Variants in RIPPLY3 observed in about 807,000 individuals in gnomAD.
RIPPLY3 encodes the protein protein ripply3.
A neutral mutation model predicts 11.9 loss-of-function variants in RIPPLY3; 8 were observed. That is an observed-to-expected ratio of 0.67 (90% CI 0.40 to 1.21). The LOEUF (loss-of-function observed/expected upper bound fraction) is 1.21. RIPPLY3 is among the 50% of genes most tolerant of loss of function. The probability of loss-of-function intolerance (pLI) is 0.01; values close to 1 mark genes in which losing one functional copy is unlikely to be tolerated. For missense variants in RIPPLY3, 271 were observed against 246.0 expected (o/e 1.10, Z -0.68); for synonymous variants, 102 against 99.0 (o/e 1.03, Z -0.18).
chr21:37,016,237 G>T (rs754763288), intron 3 of RIPPLY3, among the ~76,000 whole-genome samples: 1 of 152,012 alleles, frequency 6.6e-6, no homozygotes, highest in Non-Finnish European at 1.5e-5. Flanking sequence ...GCCTCGTAGG[G>T]TGTTTACCAG....
At chr21:37,008,756 C>CCAA (rs2069491806) in intron 2 of RIPPLY3, among the ~76,000 whole-genome samples, 1 of 81,646 alleles carries the variant, frequency 1.2e-5, no homozygotes, top group Non-Finnish European at 2.4e-5. Flanking sequence ...AGACTCATCT[C>CCAA]AAAAAAAAAA....
chr21:37,018,508 ACT>A lies in RIPPLY3; in HGVS notation c.*303_*304del. On this transcript the variant is annotated 3_prime_UTR_variant, in exon 4 of 4. Coordinates refer to ENST00000329553, the MANE Select transcript of RIPPLY3 (RefSeq NM_018962.3). Reference sequence around the variant, plus strand: ...TTTTCAAAGCTCCTTCTGCATTGTCACTCACTGATCAGGTGATGAATTCTTCC... The same window carrying A: ...TTTTCAAAGCTCCTTCTGCATTGTCACACTGATCAGGTGATGAATTCTTCC... 2.7e-6 allele frequency: 1 copy of A among 372,886 alleles called. No individual in the cohort carries two copies. The highest frequency in any genetic ancestry group is 4.3e-5 in the Admixed American group (1 of 23,504). The allele number at this position is 372,886 out of a possible 1,614,324, so 23.1% of individuals were successfully genotyped here.
chr21:37,007,679 G>T (rs950051079), intron 1 of RIPPLY3, among the ~76,000 whole-genome samples: 1 of 152,074 alleles, frequency 6.6e-6, no homozygotes, highest in African/African-American at 2.4e-5. Context: ...AAAGTGCTGG[G>T]ATTACAGGTG....
At position 37,018,113 on chromosome 21, in the gene RIPPLY3, G is replaced by C; in HGVS notation, c.479G>C (p.Gly160Ala). 6.2e-7 allele frequency: 1 copy of C among 1,614,068 alleles called. No homozygotes were observed. The highest frequency in any genetic ancestry group is 8.5e-7 in the Non-Finnish European group (1 of 1,180,002). Residue 160 changes from glycine to alanine, a missense_variant, in exon 4 of 4, where the codon GGG becomes GCG. By Grantham distance (60) the Gly-to-Ala change is moderately conservative (BLOSUM62 0). Transcript: ENST00000329553. ...GKGRDQGINQ[G>A]QRSSGGGDHW... ...GGCAGAGACCAGGGCATCAACCAAG[G>C]GCAGCGATCCTCAGGAGGGGGTGAC...
Position 37,006,976 on chromosome 21 carries a change from C to A in RIPPLY3, c.104+100C>A. 2 of 681,428 alleles carry A rather than the reference C, an allele frequency of 2.9e-6. No individual in the cohort carries two copies. Among genetic ancestry groups the A allele is most frequent in the South Asian group, 7.5e-5 (1 of 13,362 alleles). The allele number at this position is 681,428 out of a possible 1,614,324, so 42.2% of individuals were successfully genotyped here. On this transcript the variant is annotated intron_variant, in intron 1 of 3. Transcript: ENST00000329553. The surrounding 1 kb of genome is among the most constrained non-coding windows in gnomAD (Gnocchi z 5.2). ...GGAGGCTGGGGCGCTGCTGAACCCCCGATCCCCAGCGGAGCTCCGGAGCTC... is the reference window on the plus strand; with the variant it reads ...GGAGGCTGGGGCGCTGCTGAACCCCAGATCCCCAGCGGAGCTCCGGAGCTC...
In RIPPLY3 at chr21:37,017,982, T is replaced by C. The variant is rs200221401; in HGVS notation, c.348T>C (p.Ser116=). ...CGATTGACTTCTACGACGATGAGTC[T>C]ACTGAGTCTGCTTCCGAAGCTGAAG... is the stretch of plus-strand genomic sequence containing the variant. ...QATIDFYDDE[S]TESASEAEEP... is the part of the protein sequence containing the mutation. Residue 116 remains serine, a synonymous_variant, in exon 4 of 4, where the codon TCT becomes TCC. Transcript: ENST00000329553. The C allele has an allele frequency of 6.2e-7, 1 of 1,614,192 alleles. No individual in the cohort carries two copies. The highest frequency in any genetic ancestry group is 8.5e-7 in the Non-Finnish European group (1 of 1,180,020).
chr21:37,013,776 T>C (rs552591781), intron 3 of RIPPLY3, among the ~76,000 whole-genome samples, 158 bp downstream of exon 3: 1 of 152,326 alleles, frequency 6.6e-6, no homozygotes, highest in African/African-American at 2.4e-5. Flanking sequence ...GGAGATTTTG[T>C]TGGATTTCTG....
In RIPPLY3 at chr21:37,006,853, T is replaced by C. The variant is rs967273239; in HGVS notation, c.81T>C (p.Pro27=). The part of the protein sequence containing the change: ...CHCPGDAPWR[P]PPPRGPESPA... ...GCCCCGGGGACGCTCCCTGGAGGCC[T>C]CCGCCACCGCGCGGGCCGGAGAGGT... Residue 27 remains proline (P), a synonymous_variant, in exon 1 of 4, where the codon CCT becomes CCC. Coordinates refer to ENST00000329553, the MANE Select transcript of RIPPLY3 (RefSeq NM_018962.3). This position sits in a 1 kb window ranked among gnomAD's most constrained non-coding sequence, Gnocchi z 5.2. 7 of 1,222,100 alleles carry C rather than the reference T, an allele frequency of 5.7e-6. No homozygotes were observed. The African/African-American group carries it at 7.8e-5, about 14-fold the overall frequency. 75.7% of individuals were successfully genotyped at this position (1,222,100 alleles called of 1,614,324 possible). A position where few individuals can be genotyped will look rare whatever the true frequency, so the allele number is the denominator to read the frequency against.
chr21:37,013,169 G>T (rs1338087201), intron 2 of RIPPLY3, among the ~76,000 whole-genome samples: 2 of 152,156 alleles, frequency 1.3e-5, no homozygotes, highest in Non-Finnish European at 2.9e-5. Flanking sequence ...AAACCCACAT[G>T]CCACAGATGT....
intron 2 of RIPPLY3, among the ~76,000 whole-genome samples, chr21:37,012,216 TTATTATTATTATTA>T (rs2069531147): frequency 1.3e-5 from 1 of 75,408 alleles, no homozygotes; most frequent in South Asian, 4.5e-4. Flanking sequence ...TCCTTATTTA[TTATTATTATTATTA>T]TTATTATTAT....
Position 37,018,323 on chromosome 21 carries a change from G to A in RIPPLY3, c.*116G>A, listed in dbSNP as rs567665511. ...AGTGTGCAGAGGCTAGAGGCTTCTC[G>A]GGCAGCCCCTGGCCTGCACACTACT... On this transcript the variant is annotated 3_prime_UTR_variant, in exon 4 of 4. Coordinates refer to ENST00000329553, the MANE Select transcript of RIPPLY3 (RefSeq NM_018962.3). 1.8e-5 allele frequency: 15 copies of A among 841,200 alleles called. No individual in the cohort carries two copies. The highest frequency in any genetic ancestry group is 3.3e-5 in the African/African-American group (2 of 59,962). The allele number at this position is 841,200 out of a possible 1,614,324, so 52.1% of individuals were successfully genotyped here. A position where few individuals can be genotyped will look rare whatever the true frequency, so the allele number is the denominator to read the frequency against.
rs778601632 is a variant in RIPPLY3 at position 37,008,206 on chromosome 21, A to G, written c.154A>G (p.Thr52Ala). The change falls in exon 2 of 4, where the codon ACC (threonine) becomes GCC (alanine). Residue 52 changes from threonine (T) to alanine (A), a missense_variant. Coordinates refer to ENST00000329553, the MANE Select transcript of RIPPLY3 (RefSeq NM_018962.3). ...CCAGACACCTGGAGATGCTGAGCTG[A>G]CCAGAACTGGAAGGCCGGTAAGGTT... is the stretch of plus-strand genomic sequence containing the variant. ...WIQTPGDAEL[T>A]RTGRPLEPRA... 2.0e-5 allele frequency: 32 copies of G among 1,614,020 alleles called. No individual in the cohort carries two copies. The South Asian group carries it at 2.9e-4, about 14-fold the overall frequency.
chr21:37,017,383 G>A (rs1230309348), intron 3 of RIPPLY3, among the ~76,000 whole-genome samples: 1 of 152,022 alleles, frequency 6.6e-6, no homozygotes, highest in African/African-American at 2.4e-5. Flanking sequence ...AAAATTAGCT[G>A]CTTCTCTAGA....
At chr21:37,013,763 C>A (rs2069550738) in intron 3 of RIPPLY3, 145 bp downstream of exon 3, 3 of 572,562 alleles carry the variant, frequency 5.2e-6, no homozygotes, top group Non-Finnish European at 9.0e-6. Context: ...TTCCTTATAC[C>A]AAGGAGATTT....
chr21:37,011,558 C>T (rs2069522227), intron 2 of RIPPLY3, among the ~76,000 whole-genome samples: 1 of 152,198 alleles, frequency 6.6e-6, no homozygotes, highest in Non-Finnish European at 1.5e-5. Context: ...TAATCACGAA[C>T]AGAGCTTAAC....
At chr21:37,014,445 C>T (rs1804526304) in intron 3 of RIPPLY3, among the ~76,000 whole-genome samples, 2 of 151,946 alleles carry the variant, frequency 1.3e-5, no homozygotes, top group African/African-American at 4.8e-5. Flanking sequence ...GACCAGGATT[C>T]TCACTGCTGT....
chr21:37,014,760 T>C (rs948889157), intron 3 of RIPPLY3, among the ~76,000 whole-genome samples: 1 of 152,206 alleles, frequency 6.6e-6, no homozygotes, highest in Non-Finnish European at 1.5e-5. Context: ...GACATCTCAC[T>C]CTGTCACCCA....
chr21:37,007,975 G>A (rs2069482627), intron 1 of RIPPLY3, among the ~76,000 whole-genome samples, 182 bp from the exon 2 acceptor site: 1 of 152,186 alleles, frequency 6.6e-6, no homozygotes, highest in African/African-American at 2.4e-5. Flanking sequence ...GGACGTAGCA[G>A]GAGAGAAAAA....
At position 37,017,973 on chromosome 21, in the gene RIPPLY3, C is replaced by A; in HGVS notation, c.339C>A (p.Asp113Glu). 6.2e-7 allele frequency: 1 copy of A among 1,614,172 alleles called. No individual in the cohort carries two copies. Among genetic ancestry groups the A allele is most frequent in the Non-Finnish European group, 8.5e-7 (1 of 1,180,022 alleles). The part of the protein sequence containing the change: ...FPVQATIDFY[D>E]DESTESASEA... ...TGCAAGCCACGATTGACTTCTACGA[C>A]GATGAGTCTACTGAGTCTGCTTCCG... Residue 113 changes from aspartate (D) to glutamate (E), a missense_variant, in exon 4 of 4, where the codon GAC (aspartate) becomes GAA (glutamate). Transcript: ENST00000329553.
Sources: allele counts gnomAD v4.1 joint callset (sites outside exome capture counted in the v4.1 genomes callset), GRCh38; gene constraint gnomAD v4.1.1; non-coding constraint Gnocchi (gnomAD v3.1); transcripts MANE v1.5; gene names NCBI Gene and HGNC (gene_info 2026-07-23, HGNC 2026-07-21).